Variants in TMEM178A observed in about 807,000 individuals in gnomAD.
TMEM178A encodes transmembrane protein 178A.
TMEM178A carries 12 observed loss-of-function variants against 29.1 expected under a neutral mutation model. That is an observed-to-expected ratio of 0.41 (90% confidence interval 0.26 to 0.67). The LOEUF (loss-of-function observed/expected upper bound fraction) is 0.67. Ranked by LOEUF, TMEM178A falls within the 30% of genes least tolerant of loss-of-function variation. The pLI is 0.29. For synonymous variants in TMEM178A, 210 were observed against 187.2 expected (o/e 1.12, Z -0.99); for missense variants, 366 against 419.1 (o/e 0.87, Z 1.11).
chr2:39,682,809 C>T (rs2540247), intron 1 of TMEM178A, among the ~76,000 whole-genome samples: 71,211 of 151,984 alleles, frequency 0.47, 17,289 homozygotes, highest in East Asian at 0.82. Context: ...AGCCAAGGGA[C>T]CTCAAGAGGG....
At chr2:39,712,704 A>G (rs1169892449) in intron 3 of TMEM178A, among the ~76,000 whole-genome samples, 1 of 151,986 alleles carries the variant, frequency 6.6e-6, no homozygotes, top group Non-Finnish European at 1.5e-5. Flanking sequence ...TAGCTGGCTG[A>G]AGAGTATCAG....
At chr2:39,672,298 G>A (rs892169575) in intron 1 of TMEM178A, among the ~76,000 whole-genome samples, 8 of 152,140 alleles carry the variant, frequency 5.3e-5, no homozygotes, top group Admixed American at 6.5e-5. Context: ...GATCAAAATT[G>A]CCAGAATCAA....
intron 2 of TMEM178A, among the ~76,000 whole-genome samples, chr2:39,704,471 G>A (rs567256496): frequency 1.1e-3 from 160 of 152,278 alleles, no homozygotes; most frequent in African/African-American, 3.8e-3. Context: ...TTTGTTTGCC[G>A]AGTTGTTGGG....
chr2:39,679,596 T>C (rs1416208994), intron 1 of TMEM178A, among the ~76,000 whole-genome samples: 2 of 152,192 alleles, frequency 1.3e-5, no homozygotes, highest in Non-Finnish European at 2.9e-5. Flanking sequence ...CTTATCTCCA[T>C]AGGAAGTCAC....
chr2:39,735,853 A>C, the TMEM178A span, among the ~76,000 whole-genome samples: 1 of 152,234 alleles, frequency 6.6e-6, no homozygotes, highest in Non-Finnish European at 1.5e-5. Flanking sequence ...CACAAATGCC[A>C]TAGCTTGCAC....
At chr2:39,693,466 T>G (rs1474890389) in intron 1 of TMEM178A, among the ~76,000 whole-genome samples, 1 of 152,202 alleles carries the variant, frequency 6.6e-6, no homozygotes, top group African/African-American at 2.4e-5. Context: ...CAGTTTCACA[T>G]GAGACAGTGA....
At chr2:39,683,509 A>G (rs947060233) in intron 1 of TMEM178A, among the ~76,000 whole-genome samples, 1 of 152,180 alleles carries the variant, frequency 6.6e-6, no homozygotes, top group Admixed American at 6.5e-5. Flanking sequence ...TTCCCTGTCC[A>G]GGATGTGGAC....
chr2:39,712,041 TTGTGTGTGTGTGTG>T (rs61303746), intron 3 of TMEM178A, among the ~76,000 whole-genome samples: 1 of 139,252 alleles, frequency 7.2e-6, no homozygotes, highest in Non-Finnish European at 1.5e-5. Context: ...GAATTGCATT[TTGTGTGTGTGTGTG>T]TGTGTGTGTG....
At chr2:39,718,471 T>C (rs1201858830), downstream of TMEM178A, among the ~76,000 whole-genome samples, 1 of 152,222 alleles carries the variant, frequency 6.6e-6, no homozygotes, top group Non-Finnish European at 1.5e-5. Flanking sequence ...ATGATTCTGA[T>C]ACACAGCTGT....
chr2:39,668,464 T>C (rs1171944954), intron 1 of TMEM178A, among the ~76,000 whole-genome samples: 1 of 152,246 alleles, frequency 6.6e-6, no homozygotes. Context: ...GCTGGCTCTG[T>C]TGCTAAATTG....
intron 3 of TMEM178A, among the ~76,000 whole-genome samples, chr2:39,707,458 G>A (rs1259938177): frequency 6.6e-6 from 1 of 151,940 alleles, no homozygotes; most frequent in African/African-American, 2.4e-5. Context: ...CTGTTTTTTT[G>A]CTGTACTTTC....
chr2:39,727,903 T>C, the TMEM178A span, among the ~76,000 whole-genome samples: 48 of 152,332 alleles, frequency 3.2e-4, no homozygotes, highest in South Asian at 4.1e-4. Flanking sequence ...CATCCTTTTT[T>C]ATGGCAGCAT....
chr2:39,700,619 A>G (rs774257315), intron 1 of TMEM178A, among the ~76,000 whole-genome samples: 6 of 151,978 alleles, frequency 3.9e-5, no homozygotes, highest in Non-Finnish European at 7.4e-5. Context: ...TTTATCTACA[A>G]TGCCAATCTC....
chr2:39,673,355 G>A (rs923040300), intron 1 of TMEM178A, among the ~76,000 whole-genome samples: 8 of 152,136 alleles, frequency 5.3e-5, no homozygotes, highest in Non-Finnish European at 8.8e-5. Context: ...GAACAAACGG[G>A]GACAAATACA....
intron 1 of TMEM178A, among the ~76,000 whole-genome samples, chr2:39,667,430 AT>A (rs1670217682): frequency 7.5e-6 from 1 of 132,492 alleles, no homozygotes; most frequent in East Asian, 2.5e-4. Flanking sequence ...GACTCAATGT[AT>A]TTTTTTCCCC....
the TMEM178A span, among the ~76,000 whole-genome samples, chr2:39,734,754 A>C: frequency 6.6e-6 from 1 of 152,226 alleles, no homozygotes. Flanking sequence ...CCAAACCTGC[A>C]GCCTCTGCAG....
At chr2:39,692,372 A>G (rs1342075240) in intron 1 of TMEM178A, among the ~76,000 whole-genome samples, 1 of 152,236 alleles carries the variant, frequency 6.6e-6, no homozygotes, top group Non-Finnish European at 1.5e-5. Flanking sequence ...TGGATATATT[A>G]ATTAGCTTGA....
the TMEM178A span, among the ~76,000 whole-genome samples, chr2:39,735,017 A>G: frequency 1.3e-5 from 2 of 152,012 alleles, no homozygotes; most frequent in Middle Eastern, 6.8e-3. Flanking sequence ...CTTTACTTTC[A>G]CCCTTCTCTT....
chr2:39,724,353 G>A, the TMEM178A span, among the ~76,000 whole-genome samples: 435 of 151,994 alleles, frequency 2.9e-3, 17 homozygotes, highest in East Asian at 0.067. Flanking sequence ...ATGAATTTCC[G>A]TCCTTTCTCC....
Sources: gnomAD v4.1 joint callset for allele counts (sites outside exome capture counted in the v4.1 genomes callset) on GRCh38, gnomAD v4.1.1 for gene constraint, MANE v1.5 for transcripts, NCBI Gene and HGNC (gene_info 2026-07-23, HGNC 2026-07-21) for gene names.